The following CNTN6 variants were observed in gnomAD, a reference collection of about 807,000 sequenced individuals.
CNTN6 encodes contactin-6.
Under a neutral mutation model 122.8 loss-of-function variants are expected in CNTN6, and 137 were observed. The observed-to-expected ratio is 1.12, with a 90% CI of 0.97 to 1.29. CNTN6 has a LOEUF of 1.29. Ranked by LOEUF, CNTN6 falls within the 50% of genes most tolerant of loss-of-function variation. CNTN6 has a pLI of 0.00. For synonymous variants in CNTN6, 570 were observed against 426.0 expected (o/e 1.34, Z -4.16); for missense variants, 1,634 against 1,223.4 (o/e 1.34, Z -5.01).
At chr3:1,105,197 C>A (rs140455049) in intron 1 of CNTN6, among the ~76,000 whole-genome samples, 1 of 152,054 alleles carries the variant, frequency 6.6e-6, no homozygotes, top group Non-Finnish European at 1.5e-5. Flanking sequence ...ATTGTAAATA[C>A]TCTCCGATTG....
chr3:1,265,242 G>A (rs9879624), intron 4 of CNTN6, among the ~76,000 whole-genome samples: 31,701 of 151,932 alleles, frequency 0.21, 4,718 homozygotes, highest in African/African-American at 0.42. Flanking sequence ...GCTAGATCAT[G>A]TGGTAATTCT....
intron 12 of CNTN6, among the ~76,000 whole-genome samples, chr3:1,354,586 G>C (rs1024896302): frequency 2.0e-5 from 3 of 151,328 alleles, no homozygotes; most frequent in Non-Finnish European, 3.0e-5. Context: ...TTCTAGAACA[G>C]AAGCATAAAG....
At chr3:1,243,360 G>C (rs551172108) in intron 4 of CNTN6, among the ~76,000 whole-genome samples, 1 of 152,146 alleles carries the variant, frequency 6.6e-6, no homozygotes, top group African/African-American at 2.4e-5. Flanking sequence ...GATGTGGCTG[G>C]GGTTTGTGTC....
chr3:1,359,574 T>C (rs1268562519), intron 12 of CNTN6, among the ~76,000 whole-genome samples: 3 of 152,086 alleles, frequency 2.0e-5, no homozygotes, highest in Admixed American at 2.0e-4. Context: ...ACTTTATGCA[T>C]TGAAATTAAA....
chr3:1,224,652 C>T (rs2094254884), intron 3 of CNTN6, among the ~76,000 whole-genome samples: 1 of 152,084 alleles, frequency 6.6e-6, no homozygotes, highest in African/African-American at 2.4e-5. Flanking sequence ...TTGAAAAACA[C>T]CAACAGGCAC....
At chr3:1,250,139 A>G (rs1575421235) in intron 4 of CNTN6, among the ~76,000 whole-genome samples, 1 of 152,216 alleles carries the variant, frequency 6.6e-6, no homozygotes, top group East Asian at 1.9e-4. Flanking sequence ...ATAAAAGCTT[A>G]TATGTGTCCA....
intron 12 of CNTN6, among the ~76,000 whole-genome samples, chr3:1,353,226 T>C (rs1176345934): frequency 6.6e-6 from 1 of 151,766 alleles, no homozygotes; most frequent in African/African-American, 2.4e-5. Flanking sequence ...AATGGCTCTC[T>C]TGATAAAGCA....
At chr3:1,255,415 TGG>T (rs2094738091) in intron 4 of CNTN6, among the ~76,000 whole-genome samples, 1 of 114,006 alleles carries the variant, frequency 8.8e-6, no homozygotes, top group Non-Finnish European at 1.8e-5. Flanking sequence ...CATTTGAAAA[TGG>T]AAAAAAAAAA....
At position 1,283,003 on chromosome 3, in the gene CNTN6, C is replaced by T. The variant is rs767808805; in HGVS notation, c.454+4495C>T. The stretch of plus-strand genomic sequence containing the variant: ...ACTCTTTTTTTTTGAGAGGGAGTCT[C>T]GCCCTGTTGCCCAGGCTGGAGTGCA... On this transcript the variant is annotated intron_variant, in intron 5 of 22. Transcript: ENST00000446702. Among the ~76,000 whole-genome samples the T allele has an allele frequency of 6.6e-5, 10 of 152,096 alleles. No individual in the cohort carries two copies. In the South Asian group the frequency reaches 1.0e-3, roughly 16 times the overall value.
At chr3:1,141,398 C>T (rs550640649) in intron 1 of CNTN6, among the ~76,000 whole-genome samples, 9 of 152,252 alleles carry the variant, frequency 5.9e-5, no homozygotes, top group African/African-American at 1.2e-4. Flanking sequence ...TGAGGAGTCA[C>T]GCACTTGCAA....
chr3:1,319,587 C>G (rs1700564886), intron 7 of CNTN6, among the ~76,000 whole-genome samples: 1 of 151,520 alleles, frequency 6.6e-6, no homozygotes, highest in South Asian at 2.1e-4. Context: ...GGGAAAAATA[C>G]ACAATTTTTA....
chr3:1,385,533 G>C, intron 19 of CNTN6, 78 bp from the exon 20 acceptor site: 5 of 1,156,814 alleles, frequency 4.3e-6, no homozygotes, highest in Non-Finnish European at 6.2e-6. Flanking sequence ...TTGTGGTTGT[G>C]GTTGATAGTT....
At chr3:1,158,577 A>ATT (rs150394865) in intron 2 of CNTN6, among the ~76,000 whole-genome samples, 19,642 of 150,380 alleles carry the variant, frequency 0.13, 1,910 homozygotes, top group East Asian at 0.42. Context: ...CACAGACTCA[A>ATT]TTTTTTTTGG....
chr3:1,143,194 T>G (rs1159523045), intron 1 of CNTN6, among the ~76,000 whole-genome samples: 1 of 151,948 alleles, frequency 6.6e-6, no homozygotes, highest in Non-Finnish European at 1.5e-5. Flanking sequence ...ATTTTCAACT[T>G]TCAGAGATTC....
chr3:1,148,979 C>G (rs7639404), intron 2 of CNTN6, among the ~76,000 whole-genome samples: 27,909 of 152,100 alleles, frequency 0.18, 3,284 homozygotes, highest in African/African-American at 0.33. Flanking sequence ...TTGATGCCAA[C>G]GCTTGGAACT....
In CNTN6 at chr3:1,353,243, G is replaced by A. The variant is rs554128738; in HGVS notation, c.1492+792G>A. ...TGGCTCTCTTGATAAAGCAGTTTAA[G>A]CAGCTAATTAAGCCCAAATGATTAA... is the stretch of plus-strand genomic sequence containing the variant. On this transcript the variant is annotated intron_variant, in intron 12 of 22. Transcript: ENST00000446702. Among the ~76,000 whole-genome samples, 3 of 151,740 alleles carry A rather than the reference G, an allele frequency of 2.0e-5. No individual in the cohort carries two copies. In the South Asian group the frequency reaches 6.2e-4, roughly 32 times the overall value.
chr3:1,182,152 C>T (rs766409064), intron 2 of CNTN6, among the ~76,000 whole-genome samples: 2 of 152,092 alleles, frequency 1.3e-5, no homozygotes, highest in African/African-American at 2.4e-5. Flanking sequence ...AGCTACTCTT[C>T]TAAACATCTT....
chr3:1,300,212 T>G (rs2125883124), intron 7 of CNTN6, among the ~76,000 whole-genome samples: 1 of 152,274 alleles, frequency 6.6e-6, no homozygotes, highest in South Asian at 2.1e-4. Context: ...GGTCTCGATC[T>G]GCTGACCTCG....
intron 2 of CNTN6, among the ~76,000 whole-genome samples, chr3:1,167,143 TAAAAC>T (rs1265212817): frequency 1.3e-5 from 2 of 150,180 alleles, no homozygotes; most frequent in South Asian, 2.1e-4. Context: ...GTGGGGAGAA[TAAAAC>T]AAAAACAAAC....
Sources: allele counts gnomAD v4.1 joint callset (sites outside exome capture counted in the v4.1 genomes callset), GRCh38; gene constraint gnomAD v4.1.1; transcripts MANE v1.5; gene names NCBI Gene and HGNC (gene_info 2026-07-23, HGNC 2026-07-21).